The following PHLPP2 variants were observed in gnomAD, a reference collection of about 807,000 sequenced individuals.
The protein encoded by PHLPP2 is PH domain and leucine rich repeat protein phosphatase 2.
Under a neutral mutation model 124.9 loss-of-function variants are expected in PHLPP2, and 66 were observed. The ratio of observed to expected loss-of-function variants is 0.53; its 90% CI spans 0.43 to 0.65. PHLPP2 has a LOEUF of 0.65. PHLPP2 is among the 30% of genes least tolerant of loss of function. PHLPP2 has a pLI of 0.00. For missense variants in PHLPP2, 1,685 were observed against 1,600.4 expected, an observed-to-expected ratio of 1.05 and a Z score of -0.90; for synonymous variants, 681 against 624.7, an observed-to-expected ratio of 1.09 and a Z score of -1.34.
At chr16:71,653,661 A>G (rs1202331245) in intron 17 of PHLPP2, among the ~76,000 whole-genome samples, 1 of 152,200 alleles carries the variant, frequency 6.6e-6, no homozygotes, top group Non-Finnish European at 1.5e-5. Context: ...TCAGCAAGCC[A>G]TTTCTCCAGG....
rs757513377 is a variant in PHLPP2, at chr16:71,658,711, A to G, written c.2090T>C (p.Val697Ala). ...IANCKRLHTL[V>A]AHSNNISIFP... ...AATGCTGATGTTGTTGGAGTGTGCA[A>G]CAAGGGTGTGCAGCCTTTTACAGTT... The change falls in exon 14 of 19, where the codon GTT (valine) becomes GCT (alanine). Residue 697 changes from valine to alanine, a missense_variant. Coordinates refer to ENST00000568954, the MANE Select transcript of PHLPP2 (RefSeq NM_015020.3). 6.2e-7 allele frequency: 1 copy of G among 1,614,164 alleles called. No homozygotes were observed. Among genetic ancestry groups the G allele is most frequent in the Non-Finnish European group, 8.5e-7 (1 of 1,180,028 alleles).
intron 1 of PHLPP2, among the ~76,000 whole-genome samples, chr16:71,722,151 G>GCC (rs1248845978): frequency 6.6e-6 from 1 of 152,144 alleles, no homozygotes; most frequent in African/African-American, 2.4e-5. Context: ...ACTGTATGAG[G>GCC]CCGGGCGTGG....
In PHLPP2 at chr16:71,678,916, C is replaced by T; in HGVS notation, c.1107G>A (p.Gln369=). ...TGAAGGAAATTCCCAAGGAGGAAAG[C>T]TGTTGTAGATTTCCCAATTCTTCAG... ...TLPEELGNLQ[Q]LSSLGISFNN... The change falls in exon 8 of 19, where the codon CAG becomes CAA. Residue 369 remains glutamine (Q), a synonymous_variant. Coordinates refer to ENST00000568954, the MANE Select transcript of PHLPP2 (RefSeq NM_015020.3). 6.2e-7 allele frequency: 1 copy of T among 1,613,410 alleles called. No individual in the cohort carries two copies. The highest frequency in any genetic ancestry group is 8.5e-7 in the Non-Finnish European group (1 of 1,179,418).
rs566284502 is a variant in PHLPP2, at chr16:71,647,811, T to A, written c.*1079A>T. The A allele has an allele frequency of 6.6e-6, 1 of 152,372 alleles. No homozygotes were observed. Among genetic ancestry groups the A allele is most frequent in the African/African-American group, 2.4e-5 (1 of 41,508 alleles). The allele number at this position is 152,372 out of a possible 1,614,324, so 9.4% of individuals were successfully genotyped here. A position where few individuals can be genotyped will look rare whatever the true frequency, so the allele number is the denominator to read the frequency against. On this transcript the variant is annotated 3_prime_UTR_variant, in exon 19 of 19. Coordinates refer to ENST00000568954, the MANE Select transcript of PHLPP2 (RefSeq NM_015020.3). ...CCCCATTTTCATCCCCAAAAGAAGATCCTATTACCCCAAGTTTCTCAGGAG... is the reference window on the plus strand; with the variant it reads ...CCCCATTTTCATCCCCAAAAGAAGAACCTATTACCCCAAGTTTCTCAGGAG...
intron 3 of PHLPP2, among the ~76,000 whole-genome samples, chr16:71,696,466 G>C: frequency 6.6e-6 from 1 of 152,018 alleles, no homozygotes; most frequent in Non-Finnish European, 1.5e-5. Flanking sequence ...GTGAAACCCT[G>C]TCTCTACTAA....
Position 71,649,987 on chromosome 16 carries a change from A to G in PHLPP2, c.2875T>C (p.Tyr959His). 6.2e-7 allele frequency: 1 copy of G among 1,613,566 alleles called. No individual in the cohort carries two copies. The highest frequency in any genetic ancestry group is 1.1e-5 in the South Asian group (1 of 91,080). ...CTRMLGCTYL[Y>H]PWILPKPHIS... ...TGGGGCTTGGGGAGGATCCAAGGGT[A>G]GAGGTATGTACAGCCCAGCATCCGG... Residue 959 changes from tyrosine to histidine, a missense_variant, in exon 19 of 19, where the codon TAC becomes CAC. Transcript: ENST00000568954.
chr16:71,696,850 T>G (rs1016085111), intron 3 of PHLPP2, among the ~76,000 whole-genome samples: 2 of 152,020 alleles, frequency 1.3e-5, no homozygotes, highest in African/African-American at 4.8e-5. Flanking sequence ...GAGCATTCTG[T>G]TTTGCCAGGG....
rs145416250 is a variant in PHLPP2 at position 71,656,959 on chromosome 16, T to A, written c.2280-278A>T. The stretch of plus-strand genomic sequence containing the variant: ...TTTATTCTATTTTATTTATTTATTT[T>A]TTTGAGACGATCTCCCTCTGTTGCC... On this transcript the variant is annotated intron_variant, in intron 15 of 18. Coordinates refer to ENST00000568954, the MANE Select transcript of PHLPP2 (RefSeq NM_015020.3). 3.3e-5 allele frequency among the ~76,000 whole-genome samples: 5 copies of A among 152,064 alleles called. No homozygotes were observed. In the East Asian group the frequency reaches 7.8e-4, roughly 24 times the overall value.
Position 71,698,613 on chromosome 16 carries a change from G to A in PHLPP2, c.418+3985C>T. ...GAGCAACCCATACAAGAAACAGGCT[G>A]AGTACGCTACCAAGGAAGCTGCTGT... On this transcript the variant is annotated intron_variant, in intron 3 of 18. Coordinates refer to ENST00000568954, the MANE Select transcript of PHLPP2 (RefSeq NM_015020.3). 4.9e-6 allele frequency: 3 copies of A among 610,126 alleles called. 1 individual carries two copies. Among genetic ancestry groups the A allele is most frequent in the South Asian group, 4.3e-5 (3 of 69,432 alleles). 37.8% of individuals were successfully genotyped at this position (610,126 alleles called of 1,614,324 possible).
intron 5 of PHLPP2, among the ~76,000 whole-genome samples, 195 bp downstream of exon 5, chr16:71,684,281 A>G (rs1447739054): frequency 6.6e-6 from 1 of 150,834 alleles, no homozygotes; most frequent in Non-Finnish European, 1.5e-5. Flanking sequence ...GCATGCCACC[A>G]CACCCAGCTA....
At chr16:71,721,747 AG>A (rs1182786044) in intron 1 of PHLPP2, among the ~76,000 whole-genome samples, 1 of 152,230 alleles carries the variant, frequency 6.6e-6, no homozygotes. Context: ...TGAGTAAAAA[AG>A]TTAATCATTA....
chr16:71,654,779 A>G (rs1409155586), intron 17 of PHLPP2, among the ~76,000 whole-genome samples: 1 of 152,208 alleles, frequency 6.6e-6, no homozygotes, highest in African/African-American at 2.4e-5. Context: ...GAGCATCTGT[A>G]TATGGTTTTT....
At chr16:71,664,128 CCTTT>C in intron 12 of PHLPP2, 29 bp from the exon 13 acceptor site, 2 of 1,490,288 alleles carry the variant, frequency 1.3e-6, no homozygotes, top group East Asian at 4.5e-5. Context: ...ATCATCACCT[CCTTT>C]AAGTTTATTT....
At chr16:71,707,307 T>C (rs1004686088) in intron 2 of PHLPP2, among the ~76,000 whole-genome samples, 1 of 152,112 alleles carries the variant, frequency 6.6e-6, no homozygotes, top group Admixed American at 6.6e-5. Flanking sequence ...ATACAGCTGG[T>C]CTTTGTCCCT....
At chr16:71,723,216 A>T (rs932258772) in intron 1 of PHLPP2, 2 of 152,172 alleles carry the variant, frequency 1.3e-5, no homozygotes, top group African/African-American at 4.8e-5. Context: ...GCCGGCTGGC[A>T]CCTCGGGTAG....
chr16:71,655,566 G>A lies in PHLPP2; in HGVS notation c.2391-132C>T. On this transcript the variant is annotated intron_variant, in intron 16 of 18. Transcript: ENST00000568954. Reference sequence around the variant, plus strand: ...CACCCAGGCTGGAGTGCAGTGGCATGATCTTGCCTCACTGCAAGCTCCACC... The same window carrying A: ...CACCCAGGCTGGAGTGCAGTGGCATAATCTTGCCTCACTGCAAGCTCCACC... 5 of 615,628 alleles carry A rather than the reference G, an allele frequency of 8.1e-6. No homozygotes were observed. In the South Asian group the frequency reaches 8.8e-5, roughly 11 times the overall value. 38.1% of individuals were successfully genotyped at this position (615,628 alleles called of 1,614,324 possible). A position where few individuals can be genotyped will look rare whatever the true frequency, so the allele number is the denominator to read the frequency against.
In PHLPP2 at chr16:71,659,870, C is replaced by G. The variant is rs144818546; in HGVS notation, c.1986-1055G>C. Among the ~76,000 whole-genome samples the G allele has an allele frequency of 2.9e-3, 445 of 152,280 alleles. 1 individual carries two copies. The highest frequency in any genetic ancestry group is 0.01 in the Middle Eastern group (3 of 294). On this transcript the variant is annotated intron_variant, in intron 13 of 18. Coordinates refer to ENST00000568954, the MANE Select transcript of PHLPP2 (RefSeq NM_015020.3). ...GAAATACATCACCAATACCAGCAAT[C>G]TGAAAGAATCACTTTTATCATTTTG...
chr16:71,720,293 T>G (rs1444914313), intron 1 of PHLPP2, among the ~76,000 whole-genome samples: 1 of 151,242 alleles, frequency 6.6e-6, no homozygotes, highest in African/African-American at 2.4e-5. Flanking sequence ...TTTAAAAATA[T>G]TTTTAGCAGA....
chr16:71,713,521 T>C (rs1297916928), intron 2 of PHLPP2, among the ~76,000 whole-genome samples: 1 of 152,206 alleles, frequency 6.6e-6, no homozygotes, highest in Admixed American at 6.5e-5. Context: ...GGTACATGGA[T>C]ACTCACTGCA....
Sources: gnomAD v4.1 joint callset for allele counts (sites outside exome capture counted in the v4.1 genomes callset) on GRCh38, gnomAD v4.1.1 for gene constraint, MANE v1.5 for transcripts, NCBI Gene and HGNC (gene_info 2026-07-23, HGNC 2026-07-21) for gene names.